Variants in SDK2 observed in about 807,000 individuals in gnomAD.
SDK2 encodes the protein sidekick cell adhesion molecule 2, also known as protein sidekick-2.
In SDK2, 105 loss-of-function variants were observed where a neutral mutation model predicts 253.9. The ratio of observed to expected loss-of-function variants is 0.41; its 90% CI spans 0.35 to 0.49. The LOEUF (loss-of-function observed/expected upper bound fraction) is 0.49. SDK2 is among the 20% of genes least tolerant of loss of function. The pLI is 0.06. For synonymous variants in SDK2, 1,249 were observed against 1,234.9 expected (o/e 1.01, Z -0.24); for missense variants, 2,608 against 3,003.0 (o/e 0.87, Z 3.07).
chr17:73,583,990 G>T (rs528576160), intron 1 of SDK2, among the ~76,000 whole-genome samples: 26 of 152,318 alleles, frequency 1.7e-4, no homozygotes, highest in Admixed American at 7.8e-4. Context: ...CACCTGGAAT[G>T]GTTTCCTTAG....
At chr17:73,469,992 G>GCGCGCA (rs1328450219) in intron 3 of SDK2, among the ~76,000 whole-genome samples, 2,255 of 126,224 alleles carry the variant, frequency 0.018, 36 homozygotes, top group Admixed American at 0.048. Flanking sequence ...GCGCGCGCGC[G>GCGCGCA]CACACACACA....
Position 73,435,874 on chromosome 17 carries a change from T to G in SDK2, c.1001-230A>C, listed in dbSNP as rs991523183. On this transcript the variant is annotated intron_variant, in intron 8 of 44. Coordinates refer to ENST00000392650, the MANE Select transcript of SDK2 (RefSeq NM_001144952.2). The surrounding 1 kb of genome is among the most constrained non-coding windows in gnomAD (Gnocchi z 5.7). ...ACAGAGTAAAGATCCGGGAATCAGTTTAGCATGGAAACTGGATTGGACAAA... is the reference window on the plus strand; with the variant it reads ...ACAGAGTAAAGATCCGGGAATCAGTGTAGCATGGAAACTGGATTGGACAAA... 6.6e-6 allele frequency among the ~76,000 whole-genome samples: 1 copy of G among 152,154 alleles called. No homozygotes were observed. The highest frequency in any genetic ancestry group is 2.4e-5 in the African/African-American group (1 of 41,432).
At chr17:73,502,440 T>TG (rs35382898) in intron 2 of SDK2, among the ~76,000 whole-genome samples, 103,599 of 151,986 alleles carry the variant, frequency 0.68, 35,503 homozygotes, top group East Asian at 0.77. Context: ...TGGAACATTT[T>TG]TTGAGCCCAA....
intron 12 of SDK2, among the ~76,000 whole-genome samples, chr17:73,427,627 C>T (rs1373769963): frequency 1.6e-5 from 2 of 127,972 alleles, no homozygotes; most frequent in African/African-American, 5.8e-5. Context: ...GCTGGAAAAC[C>T]TTGACATCCA....
In SDK2 at chr17:73,643,584, G is replaced by A. The variant is rs1401871557; in HGVS notation, c.64+441C>T. On this transcript the variant is annotated intron_variant, in intron 1 of 44. Transcript: ENST00000392650. This position sits in a 1 kb window ranked among gnomAD's most constrained non-coding sequence, Gnocchi z 6.9. ...CCACCCCACTCCCTCGCCCCGGGGA[G>A]GCCATCGCCTGCCCGGCAGGGGCCC... Among the ~76,000 whole-genome samples the A allele has an allele frequency of 6.6e-6, 1 of 152,028 alleles. No homozygotes were observed. Among genetic ancestry groups the A allele is most frequent in the East Asian group, 1.9e-4 (1 of 5,132 alleles).
rs1474532540 is a variant in SDK2 at position 73,390,426 on chromosome 17, C to T, written c.4053G>A (p.Glu1351=). Residue 1351 remains glutamate (E), a synonymous_variant, in exon 29 of 45, where the codon GAG becomes GAA. Coordinates refer to ENST00000392650, the MANE Select transcript of SDK2 (RefSeq NM_001144952.2). ...NTTTANTATV[E]VLAPSARQYT... ...ACTGCCGGGCGCTGGGTGCCAGCAC[C>T]TCCACAGTGGCGGTGTTGGCCGTGG... 3.7e-6 allele frequency: 6 copies of T among 1,613,170 alleles called. No homozygotes were observed. The highest frequency in any genetic ancestry group is 1.3e-5 in the African/African-American group (1 of 75,048).
intron 29 of SDK2, 46 bp downstream of exon 29, chr17:73,390,241 C>G (rs1440200128): frequency 6.8e-7 from 1 of 1,474,396 alleles, no homozygotes; most frequent in Non-Finnish European, 9.0e-7. Flanking sequence ...TGGCTGGCCC[C>G]CCCTCAGCTG....
rs542590094 is a variant in SDK2, at chr17:73,601,014, A to T, written c.64+43011T>A. On this transcript the variant is annotated intron_variant, in intron 1 of 44. Coordinates refer to ENST00000392650, the MANE Select transcript of SDK2 (RefSeq NM_001144952.2). ...GAATGATCTTTTCATTTTATTATTT[A>T]AAAAAAAATTTTTTTTTTTTTTTGA... Among the ~76,000 whole-genome samples the T allele has an allele frequency of 1.4e-4, 21 of 150,778 alleles. No individual in the cohort carries two copies. In the East Asian group the frequency reaches 2.9e-3, roughly 21 times the overall value.
At chr17:73,441,728 T>C (rs2063417588) in intron 5 of SDK2, among the ~76,000 whole-genome samples, 1 of 152,238 alleles carries the variant, frequency 6.6e-6, no homozygotes, top group African/African-American at 2.4e-5. Context: ...AGGCTCAATT[T>C]CTGTTGTGAG....
At chr17:73,359,234 C>T (rs1251630369) in intron 39 of SDK2, among the ~76,000 whole-genome samples, 1 of 152,004 alleles carries the variant, frequency 6.6e-6, no homozygotes, top group Non-Finnish European at 1.5e-5. Flanking sequence ...CACACTGATG[C>T]TCCCCCAGGG....
At chr17:73,530,202 C>T (rs914844774) in intron 1 of SDK2, among the ~76,000 whole-genome samples, 1 of 152,172 alleles carries the variant, frequency 6.6e-6, no homozygotes, top group Non-Finnish European at 1.5e-5. Flanking sequence ...AAGATACTGC[C>T]TGAGACTGGG....
At chr17:73,456,636 T>C (rs923099307) in intron 3 of SDK2, among the ~76,000 whole-genome samples, 2 of 152,116 alleles carry the variant, frequency 1.3e-5, no homozygotes, top group African/African-American at 4.8e-5. Flanking sequence ...TAGTGTGTAG[T>C]GTGTGAGTTT....
At chr17:73,411,787 TA>T (rs1271390641) in intron 18 of SDK2, among the ~76,000 whole-genome samples, 503 of 22,776 alleles carry the variant, frequency 0.022, 3 homozygotes, top group African/African-American at 0.061. Flanking sequence ...TTATTACTGC[TA>T]TTTTTTTTTT....
At chr17:73,532,846 G>GT (rs2145806283) in intron 1 of SDK2, among the ~76,000 whole-genome samples, 1 of 152,342 alleles carries the variant, frequency 6.6e-6, no homozygotes, top group South Asian at 2.1e-4. Context: ...TGAAAGGGTG[G>GT]TTAGTGTGTC....
chr17:73,628,800 C>G (rs781678093), intron 1 of SDK2, among the ~76,000 whole-genome samples: 2 of 152,188 alleles, frequency 1.3e-5, no homozygotes, highest in Admixed American at 6.5e-5. Context: ...CTGGGGCACA[C>G]GAGAGGAAGT....
intron 2 of SDK2, among the ~76,000 whole-genome samples, chr17:73,489,528 C>T (rs542750221): frequency 3.3e-5 from 5 of 152,332 alleles, no homozygotes; most frequent in South Asian, 2.1e-4. Context: ...CTTCCTGTCC[C>T]GCTGAGTCCT....
chr17:73,621,490 C>T (rs1472120259), intron 1 of SDK2, among the ~76,000 whole-genome samples: 2 of 152,052 alleles, frequency 1.3e-5, no homozygotes, highest in African/African-American at 2.4e-5. Context: ...AATTAGCGGA[C>T]ACGAATTTTA....
chr17:73,642,120 A>G lies in SDK2; in HGVS notation c.64+1905T>C, dbSNP rs1453405077. Among the ~76,000 whole-genome samples the G allele has an allele frequency of 2.0e-5, 3 of 152,176 alleles. No homozygotes were observed. Among genetic ancestry groups the G allele is most frequent in the Non-Finnish European group, 4.4e-5 (3 of 68,024 alleles). On this transcript the variant is annotated intron_variant, in intron 1 of 44. Coordinates refer to ENST00000392650, the MANE Select transcript of SDK2 (RefSeq NM_001144952.2). The surrounding 1 kb of genome is among the most constrained non-coding windows in gnomAD (Gnocchi z 4.7). The stretch of plus-strand genomic sequence containing the variant: ...AGCCCCTCCCGCAGGAGGCGCAGGG[A>G]CAGGGGGCCACCTGGCCTTAACTTC...
intron 2 of SDK2, among the ~76,000 whole-genome samples, chr17:73,491,893 C>T (rs1427100546): frequency 6.6e-6 from 1 of 152,180 alleles, no homozygotes; most frequent in African/African-American, 2.4e-5. Context: ...GGGTAATGGC[C>T]AGATCTGAGA....
Sources: gnomAD v4.1 joint callset for allele counts (sites outside exome capture counted in the v4.1 genomes callset) on GRCh38, gnomAD v4.1.1 for gene constraint, Gnocchi (gnomAD v3.1) non-coding constraint, MANE v1.5 for transcripts, NCBI Gene and HGNC (gene_info 2026-07-23, HGNC 2026-07-21) for gene names.